The following LPP variants were observed in gnomAD, a reference collection of about 807,000 sequenced individuals.
The protein encoded by LPP is lipoma-preferred partner.
A neutral mutation model predicts 60.4 loss-of-function variants in LPP; 38 were observed. That is an observed-to-expected ratio of 0.63 (90% CI 0.49 to 0.83). The LOEUF is 0.83. Ranked by LOEUF, LPP falls within the 40% of genes least tolerant of loss-of-function variation. The pLI is 0.00. For synonymous variants in LPP, 328 were observed against 290.8 expected, an observed-to-expected ratio of 1.13 and a Z score of -1.30; for missense variants, 902 against 783.6, an observed-to-expected ratio of 1.15 and a Z score of -1.80.
chr3:188,694,137 TTTC>T (rs1289738811), intron 7 of LPP, among the ~76,000 whole-genome samples: 2 of 152,206 alleles, frequency 1.3e-5, no homozygotes, highest in Non-Finnish European at 2.9e-5. Flanking sequence ...AATTGAATAT[TTTC>T]TTAGCATTTT....
chr3:188,162,563 T>G (rs900422078), intron 1 of LPP, among the ~76,000 whole-genome samples: 1 of 152,224 alleles, frequency 6.6e-6, no homozygotes, highest in Non-Finnish European at 1.5e-5. Flanking sequence ...CCGGATCATT[T>G]TGGCAATAGT....
At chr3:188,569,535 A>T (rs964248708) in intron 6 of LPP, among the ~76,000 whole-genome samples, 1 of 152,040 alleles carries the variant, frequency 6.6e-6, no homozygotes, top group Non-Finnish European at 1.5e-5. Flanking sequence ...TAAATAAAAG[A>T]TATGGATTGG....
At chr3:188,231,668 C>G (rs1720020121) in intron 2 of LPP, among the ~76,000 whole-genome samples, 2 of 151,888 alleles carry the variant, frequency 1.3e-5, no homozygotes, top group African/African-American at 4.8e-5. Context: ...AAGGGAGGAA[C>G]CATCTGCAGC....
chr3:188,487,251 T>G (rs1453531885), intron 5 of LPP, among the ~76,000 whole-genome samples: 1 of 152,228 alleles, frequency 6.6e-6, no homozygotes, highest in Non-Finnish European at 1.5e-5. Flanking sequence ...TTTGAAAGTA[T>G]TAAACTGAAA....
At chr3:188,256,474 C>T (rs1269696534) in intron 2 of LPP, among the ~76,000 whole-genome samples, 1 of 152,100 alleles carries the variant, frequency 6.6e-6, no homozygotes, top group East Asian at 1.9e-4. Flanking sequence ...TGACACCAAA[C>T]AGAATGACCA....
chr3:188,769,234 C>T (rs1241651288), intron 9 of LPP, among the ~76,000 whole-genome samples: 2 of 152,150 alleles, frequency 1.3e-5, no homozygotes, highest in Admixed American at 1.3e-4. Flanking sequence ...CTTTGGAAAG[C>T]CTCTCTCACT....
intron 8 of LPP, among the ~76,000 whole-genome samples, chr3:188,754,126 G>A (rs1729337892): frequency 2.0e-5 from 3 of 152,144 alleles, no homozygotes; most frequent in Admixed American, 2.0e-4. Flanking sequence ...ATTCTTTGTG[G>A]ATTCTATATT....
intron 6 of LPP, 75 bp downstream of exon 6, chr3:188,524,862 C>A: frequency 2.8e-6 from 4 of 1,448,702 alleles, no homozygotes; most frequent in Non-Finnish European, 3.7e-6. Context: ...ACATGCTGCA[C>A]CTGAGAGCTT....
intron 9 of LPP, among the ~76,000 whole-genome samples, chr3:188,763,246 CCTGT>C (rs1242935837): frequency 4.1e-5 from 6 of 146,406 alleles, no homozygotes; most frequent in African/African-American, 9.9e-5. Flanking sequence ...AGTCAGTGTG[CCTGT>C]CTTTTTTTTT....
At chr3:188,556,613 G>A (rs994388223) in intron 6 of LPP, among the ~76,000 whole-genome samples, 5 of 151,402 alleles carry the variant, frequency 3.3e-5, no homozygotes, top group African/African-American at 1.2e-4. Context: ...TGTTTTTTTG[G>A]TTTGATTTTT....
intron 6 of LPP, among the ~76,000 whole-genome samples, chr3:188,569,772 C>T (rs1167391753): frequency 6.6e-6 from 1 of 151,982 alleles, no homozygotes; most frequent in Non-Finnish European, 1.5e-5. Context: ...CCACTAAAGG[C>T]ACAACTGAAA....
chr3:188,852,087 C>T (rs1762803510), intron 9 of LPP, among the ~76,000 whole-genome samples: 1 of 152,094 alleles, frequency 6.6e-6, no homozygotes, highest in African/African-American at 2.4e-5. Context: ...TCACTTGAGC[C>T]CAAGAGGCAG....
At position 188,352,584 on chromosome 3, in the gene LPP, G is replaced by A. The variant is rs1026865190; in HGVS notation, c.-10+10865G>A. Among the ~76,000 whole-genome samples, 1 of 152,206 alleles carries A rather than the reference G, an allele frequency of 6.6e-6. No homozygotes were observed. The highest frequency in any genetic ancestry group is 1.5e-5 in the Non-Finnish European group (1 of 68,040). ...TTGTGAATATCCCGTACTCTCATTT[G>A]ATGTGTGAGGACAGTGAGGCGCATT... is the stretch of plus-strand genomic sequence containing the variant. On this transcript the variant is annotated intron_variant, in intron 3 of 11. Transcript: ENST00000617246. This position sits in a 1 kb window ranked among gnomAD's most constrained non-coding sequence, Gnocchi z 4.4.
intron 2 of LPP, among the ~76,000 whole-genome samples, chr3:188,322,620 C>T (rs1578099421): frequency 6.6e-6 from 1 of 152,094 alleles, no homozygotes; most frequent in African/African-American, 2.4e-5. Flanking sequence ...AATGTTGATT[C>T]TCTGGTAGAA....
chr3:188,511,321 TCTCC>T (rs1457184744), intron 5 of LPP, among the ~76,000 whole-genome samples: 13 of 87,896 alleles, frequency 1.5e-4, no homozygotes, highest in African/African-American at 4.0e-4. Context: ...CCCTCCCCTC[TCTCC>T]CTCCCTCCCT....
intron 2 of LPP, among the ~76,000 whole-genome samples, chr3:188,259,180 C>T (rs375532855): frequency 6.6e-6 from 1 of 152,082 alleles, no homozygotes; most frequent in African/African-American, 2.4e-5. Flanking sequence ...TTTTTGTTTG[C>T]TAATTTAATT....
At chr3:188,797,085 C>T (rs371197037) in intron 9 of LPP, among the ~76,000 whole-genome samples, 69 of 151,622 alleles carry the variant, frequency 4.6e-4, no homozygotes, top group African/African-American at 1.1e-3. Context: ...ATAGAATAGC[C>T]GTTAGAGGGA....
chr3:188,864,112 T>G (rs571322669), intron 9 of LPP, among the ~76,000 whole-genome samples: 1 of 152,334 alleles, frequency 6.6e-6, no homozygotes, highest in South Asian at 2.1e-4. Context: ...CCCTGTGCTC[T>G]TCTGCTATTT....
intron 9 of LPP, among the ~76,000 whole-genome samples, chr3:188,852,147 G>A (rs1762814241): frequency 6.6e-6 from 1 of 152,214 alleles, no homozygotes; most frequent in Non-Finnish European, 1.5e-5. Flanking sequence ...CTGGGGGACA[G>A]AGTGAGACTC....
Sources: gnomAD v4.1 joint callset for allele counts (sites outside exome capture counted in the v4.1 genomes callset) on GRCh38, gnomAD v4.1.1 for gene constraint, Gnocchi (gnomAD v3.1) non-coding constraint, MANE v1.5 for transcripts, NCBI Gene and HGNC (gene_info 2026-07-23, HGNC 2026-07-21) for gene names.